The following ANKS1A variants were observed in gnomAD, a reference collection of about 807,000 sequenced individuals.
The protein encoded by ANKS1A is ankyrin repeat and SAM domain-containing protein 1A.
In ANKS1A, 55 loss-of-function variants were observed where a neutral mutation model predicts 120.3. The ratio of observed to expected loss-of-function variants is 0.46; its 90% CI spans 0.37 to 0.57. ANKS1A has a LOEUF of 0.57. Ranked by LOEUF, ANKS1A falls within the 20% of genes least tolerant of loss-of-function variation. ANKS1A has a pLI of 0.00. For synonymous variants in ANKS1A, 590 were observed against 604.7 expected (o/e 0.98, Z 0.36); for missense variants, 1,123 against 1,480.3 (o/e 0.76, Z 3.96).
chr6:35,085,941 G>C lies in ANKS1A; in HGVS notation c.3303+5G>C. 1 of 1,594,632 alleles carries C rather than the reference G, an allele frequency of 6.3e-7. No homozygotes were observed. Among genetic ancestry groups the C allele is most frequent in the Non-Finnish European group, 8.5e-7 (1 of 1,172,154 alleles). On this transcript the variant is annotated splice_donor_5th_base_variant and intron_variant, in intron 22 of 23. Transcript: ENST00000360359. The surrounding 1 kb of genome is among the most constrained non-coding windows in gnomAD (Gnocchi z 4.7). ...GTCGGCGTGAGGAAATCCGCAGTAC[G>C]TGGGCCCCACTGGCCAAGATCCCCC...
At chr6:35,066,510 G>A (rs1429658747) in intron 13 of ANKS1A, among the ~76,000 whole-genome samples, 1 of 152,134 alleles carries the variant, frequency 6.6e-6, no homozygotes, top group African/African-American at 2.4e-5. Flanking sequence ...TCTGCCCACA[G>A]AGAGAATGGG....
At chr6:34,990,310 T>C (rs1772436181) in intron 9 of ANKS1A, among the ~76,000 whole-genome samples, 1 of 152,204 alleles carries the variant, frequency 6.6e-6, no homozygotes, top group African/African-American at 2.4e-5. Flanking sequence ...GTACAAATTC[T>C]GTCCTTAATT....
chr6:34,963,317 C>A (rs1290077194), intron 1 of ANKS1A, among the ~76,000 whole-genome samples: 2 of 152,196 alleles, frequency 1.3e-5, no homozygotes, highest in East Asian at 3.8e-4. Flanking sequence ...CCATTCTATG[C>A]TCTGCTTCTG....
At chr6:35,001,254 A>G (rs1452030559) in intron 10 of ANKS1A, among the ~76,000 whole-genome samples, 1 of 152,240 alleles carries the variant, frequency 6.6e-6, no homozygotes, top group Non-Finnish European at 1.5e-5. Flanking sequence ...GGAAACATTC[A>G]TTTTACTAGA....
At chr6:35,027,166 T>C (rs1774671874) in intron 11 of ANKS1A, among the ~76,000 whole-genome samples, 1 of 152,108 alleles carries the variant, frequency 6.6e-6, no homozygotes, top group Non-Finnish European at 1.5e-5. Context: ...ATCTCAGAAA[T>C]GGGAGATCCA....
chr6:34,912,639 A>G (rs1030561746), intron 1 of ANKS1A, among the ~76,000 whole-genome samples: 7 of 152,236 alleles, frequency 4.6e-5, no homozygotes, highest in African/African-American at 1.7e-4. Flanking sequence ...GATAGTAAGG[A>G]TTTCAATAGA....
chr6:35,030,588 T>C (rs1774860901), intron 11 of ANKS1A, among the ~76,000 whole-genome samples: 1 of 152,202 alleles, frequency 6.6e-6, no homozygotes, highest in Non-Finnish European at 1.5e-5. Context: ...TAAATAAAAA[T>C]GATCTTCCAA....
intron 10 of ANKS1A, among the ~76,000 whole-genome samples, chr6:35,013,184 GA>G (rs1773849968): frequency 1.3e-5 from 2 of 152,214 alleles, no homozygotes; most frequent in African/African-American, 4.8e-5. Context: ...TACCTCTTCT[GA>G]GAAGCCTTCT....
intron 10 of ANKS1A, among the ~76,000 whole-genome samples, chr6:35,008,002 T>C (rs1773550222): frequency 6.6e-6 from 1 of 152,198 alleles, no homozygotes; most frequent in Non-Finnish European, 1.5e-5. Context: ...TGTGCTTCCG[T>C]CTGTAGTCCC....
chr6:34,957,456 G>A (rs1770430030), intron 1 of ANKS1A, among the ~76,000 whole-genome samples: 1 of 152,240 alleles, frequency 6.6e-6, no homozygotes, highest in African/African-American at 2.4e-5. Flanking sequence ...ATTTGAGAGA[G>A]TGTTTCCTTG....
intron 13 of ANKS1A, among the ~76,000 whole-genome samples, chr6:35,064,572 C>T (rs115045865): frequency 0.028 from 4,292 of 152,292 alleles, 91 homozygotes; most frequent in African/African-American, 0.068. Context: ...TCCCCAAGCC[C>T]CTGAGGCTCC....
intron 10 of ANKS1A, chr6:35,005,954 C>G (rs918036103): frequency 3.4e-5 from 9 of 265,390 alleles, no homozygotes; most frequent in Admixed American, 2.1e-4. Flanking sequence ...TTTGGGAGGC[C>G]GAGGCAGGCA....
chr6:34,923,452 C>G (rs1768543566), intron 1 of ANKS1A, among the ~76,000 whole-genome samples: 1 of 152,148 alleles, frequency 6.6e-6, no homozygotes, highest in African/African-American at 2.4e-5. Context: ...TCAAAGATTT[C>G]TGGAATAATG....
At chr6:35,059,923 G>A (rs970097492) in intron 12 of ANKS1A, among the ~76,000 whole-genome samples, 5 of 152,178 alleles carry the variant, frequency 3.3e-5, no homozygotes, top group African/African-American at 9.7e-5. Flanking sequence ...GGCAGCAGCC[G>A]CCCGAGGCTG....
rs114233968 is a variant in ANKS1A, at chr6:34,989,451, T to C, written c.1302+135T>C. ...GATTATAAATTTGTATTATGTGTAC[T>C]AGTAATCTGGAATAAGACCTTCCAA... is the stretch of plus-strand genomic sequence containing the variant. On this transcript the variant is annotated intron_variant, in intron 9 of 23. Coordinates refer to ENST00000360359, the MANE Select transcript of ANKS1A (RefSeq NM_015245.3). 1,860 of 799,998 alleles carry C rather than the reference T, an allele frequency of 2.3e-3. 3 individuals are homozygous for C. The highest frequency in any genetic ancestry group is 3.3e-3 in the Non-Finnish European group (1,653 of 494,892). 49.6% of individuals were successfully genotyped at this position (799,998 alleles called of 1,614,324 possible).
chr6:34,997,739 G>T (rs986022362), intron 10 of ANKS1A, among the ~76,000 whole-genome samples: 2 of 152,152 alleles, frequency 1.3e-5, no homozygotes, highest in African/African-American at 4.8e-5. Flanking sequence ...CAAGATAATT[G>T]ACTCAACCTT....
chr6:34,889,348 G>A lies in ANKS1A; in HGVS notation c.-55G>A. On this transcript the variant is annotated 5_prime_UTR_variant, in exon 1 of 24. Coordinates refer to ENST00000360359, the MANE Select transcript of ANKS1A (RefSeq NM_015245.3). The surrounding 1 kb of genome is among the most constrained non-coding windows in gnomAD (Gnocchi z 5.5). ...CCGGAGACGGAAAGTTTGGGAGCCC[G>A]AGCAGGCTCGGCTGCAGCCTCGGGG... 8.1e-7 allele frequency: 1 copy of A among 1,238,180 alleles called. No individual in the cohort carries two copies. Among genetic ancestry groups the A allele is most frequent in the Non-Finnish European group, 1.0e-6 (1 of 991,948 alleles). 76.7% of individuals were successfully genotyped at this position (1,238,180 alleles called of 1,614,324 possible). A position where few individuals can be genotyped will look rare whatever the true frequency, so the allele number is the denominator to read the frequency against.
chr6:35,064,806 C>G (rs906992504), intron 13 of ANKS1A, among the ~76,000 whole-genome samples: 22 of 152,310 alleles, frequency 1.4e-4, no homozygotes, highest in African/African-American at 4.8e-4. Context: ...CCTCCACCCC[C>G]GTCCCATCTC....
intron 1 of ANKS1A, among the ~76,000 whole-genome samples, chr6:34,920,922 C>T (rs938251204): frequency 6.6e-6 from 1 of 152,146 alleles, no homozygotes; most frequent in African/African-American, 2.4e-5. Flanking sequence ...CACAATTAAA[C>T]TTCAAAAATG....
Sources: allele counts gnomAD v4.1 joint callset (sites outside exome capture counted in the v4.1 genomes callset), GRCh38; gene constraint gnomAD v4.1.1; non-coding constraint Gnocchi (gnomAD v3.1); transcripts MANE v1.5; gene names NCBI Gene and HGNC (gene_info 2026-07-23, HGNC 2026-07-21).